Variants in CDS1 observed in about 807,000 individuals in gnomAD.
The protein encoded by CDS1 is phosphatidate cytidylyltransferase 1.
CDS1 carries 41 observed loss-of-function variants against 62.1 expected under a neutral mutation model. The ratio of observed to expected loss-of-function variants is 0.66; its 90% confidence interval spans 0.51 to 0.86. CDS1 has a LOEUF of 0.86. Ranked by LOEUF, CDS1 falls within the 40% of genes least tolerant of loss-of-function variation. The probability of loss-of-function intolerance (pLI) is 0.00; values close to 1 mark genes in which losing one functional copy is unlikely to be tolerated. For synonymous variants in CDS1, 185 were observed against 192.6 expected, an observed-to-expected ratio of 0.96 and a Z score of 0.32; for missense variants, 470 against 550.1, an observed-to-expected ratio of 0.85 and a Z score of 1.46.
intron 3 of CDS1, among the ~76,000 whole-genome samples, chr4:84,610,181 G>C (rs191278130): frequency 6.6e-6 from 1 of 152,310 alleles, no homozygotes; most frequent in East Asian, 1.9e-4. Flanking sequence ...CATGTTAGGA[G>C]TGCATGGTAG....
intron 1 of CDS1, among the ~76,000 whole-genome samples, chr4:84,598,466 C>T (rs1198092257): frequency 1.3e-5 from 2 of 150,902 alleles, no homozygotes; most frequent in Admixed American, 1.3e-4. Flanking sequence ...GCACAACGTG[C>T]AGGTTTGTTA....
At chr4:84,630,901 A>C (rs528985153) in intron 5 of CDS1, among the ~76,000 whole-genome samples, 2 of 152,222 alleles carry the variant, frequency 1.3e-5, no homozygotes, top group Non-Finnish European at 2.9e-5. Flanking sequence ...CCACCTCTGT[A>C]AAATAAACCT....
At chr4:84,628,597 A>C (rs375553699) in intron 5 of CDS1, among the ~76,000 whole-genome samples, 2 of 152,100 alleles carry the variant, frequency 1.3e-5, no homozygotes, top group African/African-American at 4.8e-5. Flanking sequence ...TAGTAGCTTG[A>C]TCATAGCTCA....
chr4:84,604,004 C>A (rs1441620854), intron 1 of CDS1, among the ~76,000 whole-genome samples: 3 of 152,096 alleles, frequency 2.0e-5, no homozygotes, highest in Non-Finnish European at 4.4e-5. Context: ...ATGGGAGCTT[C>A]TTTTGTGTCT....
chr4:84,613,588 C>T (rs949835263), intron 3 of CDS1, among the ~76,000 whole-genome samples: 25 of 152,110 alleles, frequency 1.6e-4, no homozygotes, highest in African/African-American at 6.0e-4. Context: ...CCAGCCTGGG[C>T]GACAGAGTGA....
At chr4:84,640,149 A>AT (rs1469212775) in intron 9 of CDS1, among the ~76,000 whole-genome samples, 2 of 147,918 alleles carry the variant, frequency 1.4e-5, no homozygotes, top group South Asian at 4.2e-4. Flanking sequence ...TATATATAAT[A>AT]ATATGTAATA....
chr4:84,608,602 C>G (rs144571283), intron 2 of CDS1, among the ~76,000 whole-genome samples: 109 of 152,346 alleles, frequency 7.2e-4, no homozygotes, highest in African/African-American at 2.5e-3. Flanking sequence ...TGGCACCTCA[C>G]TCCTTCATTT....
chr4:84,646,475 C>T (rs542515582), intron 12 of CDS1, among the ~76,000 whole-genome samples: 4 of 152,210 alleles, frequency 2.6e-5, no homozygotes, highest in Admixed American at 2.0e-4. Flanking sequence ...ACTTTATCCT[C>T]TTCCTGCAAG....
chr4:84,590,099 CCT>C (rs1287910564), intron 1 of CDS1, among the ~76,000 whole-genome samples: 11 of 152,172 alleles, frequency 7.2e-5, no homozygotes, highest in Non-Finnish European at 1.5e-4. Flanking sequence ...GCATGAGCCA[CCT>C]CACCCAGCCT....
chr4:84,587,390 G>A (rs1329786395), intron 1 of CDS1, among the ~76,000 whole-genome samples: 2 of 152,042 alleles, frequency 1.3e-5, no homozygotes, highest in East Asian at 1.9e-4. Context: ...TTCCAGTCAC[G>A]TTCAGTGTTG....
At chr4:84,647,065 A>G (rs1724578535) in intron 12 of CDS1, among the ~76,000 whole-genome samples, 1 of 152,080 alleles carries the variant, frequency 6.6e-6, no homozygotes, top group Non-Finnish European at 1.5e-5. Flanking sequence ...GAATATTAAA[A>G]TAGCAATATC....
intron 1 of CDS1, among the ~76,000 whole-genome samples, chr4:84,586,688 C>T (rs944831634): frequency 6.6e-6 from 1 of 152,134 alleles, no homozygotes; most frequent in Non-Finnish European, 1.5e-5. Context: ...GTTGGGGACC[C>T]CTGGCTTAGA....
chr4:84,588,700 A>G (rs550107231), intron 1 of CDS1, among the ~76,000 whole-genome samples: 1 of 152,138 alleles, frequency 6.6e-6, no homozygotes, highest in Non-Finnish European at 1.5e-5. Context: ...CTGGTTTGGG[A>G]GGAGTTATCC....
chr4:84,641,047 C>A, intron 10 of CDS1, 57 bp downstream of exon 10: 1 of 1,068,104 alleles, frequency 9.4e-7, no homozygotes, highest in South Asian at 3.0e-5. Context: ...GAAGATTAAG[C>A]TTCCTTTATT....
At chr4:84,642,185 C>T (rs1337066887) in intron 10 of CDS1, among the ~76,000 whole-genome samples, 1 of 152,030 alleles carries the variant, frequency 6.6e-6, no homozygotes, top group Non-Finnish European at 1.5e-5. Context: ...ATTAGCCAGT[C>T]GTGGTGGCAT....
intron 3 of CDS1, among the ~76,000 whole-genome samples, chr4:84,616,754 A>G (rs577218304): frequency 2.6e-5 from 4 of 152,346 alleles, no homozygotes; most frequent in South Asian, 4.1e-4. Context: ...CGACAGGTCA[A>G]GCACCGGGTG....
intron 5 of CDS1, among the ~76,000 whole-genome samples, chr4:84,630,357 T>C (rs948165798): frequency 6.6e-6 from 1 of 152,182 alleles, no homozygotes; most frequent in Non-Finnish European, 1.5e-5. Flanking sequence ...GGCCAGTTAG[T>C]TGGATTACCT....
intron 6 of CDS1, 94 bp from the exon 7 acceptor site, chr4:84,633,763 C>A: frequency 3.3e-6 from 2 of 600,476 alleles, no homozygotes; most frequent in South Asian, 7.7e-5. Context: ...GACCAAAAGT[C>A]ATGGTAGAAA....
Position 84,648,566 on chromosome 4 carries a change from T to C in CDS1, c.1266T>C (p.Asn422=). ...VYITSFIRGP[N]PSKVLQQLLV... ...TGCCTTTTATCATTAGGGGCCCAAATCCCAGCAAAGTGCTACAGCAGTTGT... is the reference window on the plus strand; with the variant it reads ...TGCCTTTTATCATTAGGGGCCCAAACCCCAGCAAAGTGCTACAGCAGTTGT... The change falls in exon 13 of 13, where the codon AAT becomes AAC. Residue 422 remains asparagine (N), a synonymous_variant. Coordinates refer to ENST00000295887, the MANE Select transcript of CDS1 (RefSeq NM_001263.4). The C allele has an allele frequency of 6.2e-7, 1 of 1,613,322 alleles. No homozygotes were observed. Among genetic ancestry groups the C allele is most frequent in the Non-Finnish European group, 8.5e-7 (1 of 1,179,668 alleles).
Sources: gnomAD v4.1 joint callset for allele counts (sites outside exome capture counted in the v4.1 genomes callset) on GRCh38, gnomAD v4.1.1 for gene constraint, MANE v1.5 for transcripts, NCBI Gene and HGNC (gene_info 2026-07-23, HGNC 2026-07-21) for gene names.